The following DRGX variants were observed in gnomAD, a reference collection of about 807,000 sequenced individuals.
The protein encoded by DRGX is dorsal root ganglia homeobox protein.
Under a neutral mutation model 28.6 loss-of-function variants are expected in DRGX, and 21 were observed. The ratio of observed to expected loss-of-function variants is 0.73; its 90% CI spans 0.52 to 1.06. The LOEUF is 1.06. Ranked by LOEUF, DRGX falls within the 50% of genes least tolerant of loss-of-function variation. The pLI is 0.00. For missense variants in DRGX, 354 were observed against 343.9 expected, an observed-to-expected ratio of 1.03 and a Z score of -0.23; for synonymous variants, 136 against 139.1, an observed-to-expected ratio of 0.98 and a Z score of 0.16.
chr10:49,375,459 T>C (rs941401985), intron 6 of DRGX, among the ~76,000 whole-genome samples: 3 of 152,176 alleles, frequency 2.0e-5, no homozygotes, highest in Admixed American at 1.3e-4. Context: ...CAATACCCCA[T>C]GGAAAGAAAA....
chr10:49,386,349 A>G (rs1429850314), intron 6 of DRGX, 129 bp downstream of exon 6: 1 of 739,796 alleles, frequency 1.4e-6, no homozygotes. Flanking sequence ...CCTGGCTGTG[A>G]CTGACAGGAG....
rs138082109 is a variant in DRGX, at chr10:49,384,908, G to A, written c.526+1570C>T. On this transcript the variant is annotated intron_variant, in intron 6 of 6. Coordinates refer to ENST00000374139, the MANE Select transcript of DRGX (RefSeq NM_001276451.2). ...CCTATTCATGAGGCCAGAGTAGGGC[G>A]AGCGACCCTCATTTGTAAAAGAGAA... Among the ~76,000 whole-genome samples the A allele has an allele frequency of 4.0e-3, 612 of 152,288 alleles. 2 individuals carry two copies. The highest frequency in any genetic ancestry group is 0.014 in the African/African-American group (573 of 41,556).
At chr10:49,379,929 C>T (rs1325187101) in intron 6 of DRGX, among the ~76,000 whole-genome samples, 2 of 152,248 alleles carry the variant, frequency 1.3e-5, no homozygotes, top group Admixed American at 6.5e-5. Context: ...TGGGCCTTAC[C>T]TGCAACTGGC....
chr10:49,391,505 C>A (rs1849904845), intron 2 of DRGX, among the ~76,000 whole-genome samples: 1 of 152,166 alleles, frequency 6.6e-6, no homozygotes, highest in Non-Finnish European at 1.5e-5. Flanking sequence ...CCAAGATGGC[C>A]AATTTCAATT....
chr10:49,377,545 C>T (rs1006926609), intron 6 of DRGX, among the ~76,000 whole-genome samples: 2 of 152,202 alleles, frequency 1.3e-5, no homozygotes, highest in African/African-American at 4.8e-5. Flanking sequence ...CTGGGTGTGA[C>T]CCTTAAGAAG....
intron 5 of DRGX, 45 bp from the exon 6 acceptor site, chr10:49,386,635 C>T: frequency 6.3e-7 from 1 of 1,581,236 alleles, no homozygotes; most frequent in South Asian, 1.2e-5. Context: ...CCTGTGTCTG[C>T]AGTGCTGCCC....
intron 6 of DRGX, among the ~76,000 whole-genome samples, chr10:49,374,638 T>G (rs1271133224): frequency 6.6e-6 from 1 of 152,242 alleles, no homozygotes; most frequent in Non-Finnish European, 1.5e-5. Flanking sequence ...CTATATGACA[T>G]CATGCTTTAA....
At chr10:49,373,066 AAAT>A (rs1338184673) in intron 6 of DRGX, among the ~76,000 whole-genome samples, 3 of 152,248 alleles carry the variant, frequency 2.0e-5, no homozygotes, top group African/African-American at 7.2e-5. Context: ...GAAGATAAGC[AAAT>A]AATATTTTTT....
intron 6 of DRGX, among the ~76,000 whole-genome samples, chr10:49,384,302 C>A (rs966491939): frequency 1.3e-5 from 2 of 152,328 alleles, no homozygotes; most frequent in Middle Eastern, 3.4e-3. Context: ...TCTGGAAACA[C>A]GGTATGTCGC....
rs148559269 is a variant in DRGX at position 49,367,379 on chromosome 10, TAAAAAG to T, written c.527-1004_527-999del. Reference sequence around the variant, plus strand: ...CCCTGTCTCTAAAAAATAATAACATTAAAAAGAAAAAGAAAAAGAAAAGAAAAGAAA... The same window carrying T: ...CCCTGTCTCTAAAAAATAATAACATTAAAAAGAAAAAGAAAAGAAAAGAAA... On this transcript the variant is annotated intron_variant, in intron 6 of 6. Coordinates refer to ENST00000374139, the MANE Select transcript of DRGX (RefSeq NM_001276451.2). 3.4e-3 allele frequency among the ~76,000 whole-genome samples: 514 copies of T among 151,460 alleles called. 2 individuals are homozygous for T. Among genetic ancestry groups the T allele is most frequent in the African/African-American group, 0.012 (486 of 41,220 alleles).
intron 4 of DRGX, among the ~76,000 whole-genome samples, 170 bp from the exon 5 acceptor site, chr10:49,387,028 G>A (rs189515340): frequency 2.0e-5 from 3 of 152,224 alleles, no homozygotes; most frequent in Non-Finnish European, 2.9e-5. Context: ...CCGCTTAAAA[G>A]GTTAGGACAG....
chr10:49,375,140 A>T (rs542115830), intron 6 of DRGX, among the ~76,000 whole-genome samples: 121 of 152,342 alleles, frequency 7.9e-4, no homozygotes, highest in African/African-American at 2.8e-3. Flanking sequence ...ACTCCTGGAC[A>T]CACTGTCTTC....
In DRGX at chr10:49,365,683, A is replaced by G. The variant is rs1028832307; in HGVS notation, c.*433T>C. The G allele has an allele frequency of 6.3e-6, 1 of 158,192 alleles. No homozygotes were observed. Among genetic ancestry groups the G allele is most frequent in the African/African-American group, 2.4e-5 (1 of 41,740 alleles). The allele number at this position is 158,192 out of a possible 1,614,324, so 9.8% of individuals were successfully genotyped here. On this transcript the variant is annotated 3_prime_UTR_variant, in exon 7 of 7. Coordinates refer to ENST00000374139, the MANE Select transcript of DRGX (RefSeq NM_001276451.2). ...TCCACCAGTTCCCCAGTTCTTAAAC[A>G]CTGTAAGCGGGACAGGCCCTTTTCT...
At chr10:49,370,469 C>T (rs1303607504) in intron 6 of DRGX, among the ~76,000 whole-genome samples, 1 of 152,224 alleles carries the variant, frequency 6.6e-6, no homozygotes, top group African/African-American at 2.4e-5. Flanking sequence ...TCCTCATCTG[C>T]ACCCCAAGCC....
intron 6 of DRGX, among the ~76,000 whole-genome samples, chr10:49,370,254 A>C (rs1394167228): frequency 6.6e-6 from 1 of 152,036 alleles, no homozygotes; most frequent in Non-Finnish European, 1.5e-5. Context: ...AAAATACAAA[A>C]ATTAGCCAGG....
intron 2 of DRGX, among the ~76,000 whole-genome samples, chr10:49,392,217 C>G (rs986792375): frequency 2.6e-5 from 4 of 152,216 alleles, no homozygotes; most frequent in Middle Eastern, 3.2e-3. Context: ...TTCTCAGAAT[C>G]ACGGCATTAG....
intron 6 of DRGX, among the ~76,000 whole-genome samples, chr10:49,375,949 A>G (rs1276517095): frequency 6.6e-6 from 1 of 152,056 alleles, no homozygotes; most frequent in South Asian, 2.1e-4. Flanking sequence ...CCAGGGCCCC[A>G]TTGATTAGCA....
At chr10:49,395,639 G>T in intron 1 of DRGX, 118 bp from the exon 2 acceptor site, 2 of 652,040 alleles carry the variant, frequency 3.1e-6, no homozygotes, top group East Asian at 2.7e-5. Context: ...TCATCTCACT[G>T]CGGGGGACAG....
chr10:49,392,992 C>T (rs542091504), intron 2 of DRGX, among the ~76,000 whole-genome samples: 1 of 152,146 alleles, frequency 6.6e-6, no homozygotes, highest in African/African-American at 2.4e-5. Flanking sequence ...AAATTGGGTA[C>T]AGCCTTATTA....
Sources: allele counts gnomAD v4.1 joint callset (sites outside exome capture counted in the v4.1 genomes callset), GRCh38; gene constraint gnomAD v4.1.1; transcripts MANE v1.5; gene names NCBI Gene and HGNC (gene_info 2026-07-23, HGNC 2026-07-21).